TOP6BL: variants seen among roughly 807,000 people sequenced by gnomAD.
The protein encoded by TOP6BL is type 2 DNA topoisomerase 6 subunit B-like.
At chr11:66,796,433 G>A in the TOP6BL span, 5 of 1,178,744 alleles carry the variant, frequency 4.2e-6, no homozygotes, top group East Asian at 2.4e-5. Flanking sequence ...CCTTTACTGT[G>A]TAGGACATGG....
the TOP6BL span, chr11:66,842,709 T>G: frequency 1.8e-5 from 15 of 812,940 alleles, no homozygotes; most frequent in Non-Finnish European, 2.8e-5. Flanking sequence ...GCTGCAGGGT[T>G]TTGGTGTGGA....
At chr11:66,783,414 A>G in the TOP6BL span, among the ~76,000 whole-genome samples, 32 of 152,316 alleles carry the variant, frequency 2.1e-4, no homozygotes, top group African/African-American at 7.5e-4. Flanking sequence ...TAAGTAAGTA[A>G]AAGAGTCCAG....
chr11:66,803,714 A>G, the TOP6BL span, among the ~76,000 whole-genome samples: 3 of 152,172 alleles, frequency 2.0e-5, no homozygotes, highest in African/African-American at 7.2e-5. Context: ...CATGAGCCAC[A>G]ATGCCTGGTC....
At chr11:66,777,117 A>T in the TOP6BL span, among the ~76,000 whole-genome samples, 6 of 150,428 alleles carry the variant, frequency 4.0e-5, no homozygotes, top group Non-Finnish European at 8.9e-5. Flanking sequence ...ATCTATATCT[A>T]TATCTATAAT....
At chr11:66,775,470 G>A in the TOP6BL span, among the ~76,000 whole-genome samples, 1 of 152,274 alleles carries the variant, frequency 6.6e-6, no homozygotes, top group South Asian at 2.1e-4. Flanking sequence ...TGAGTATAAG[G>A]CTGGGTCATG....
chr11:66,778,982 C>G, the TOP6BL span, among the ~76,000 whole-genome samples: 53 of 152,274 alleles, frequency 3.5e-4, no homozygotes, highest in Admixed American at 5.9e-4. Context: ...GAAACTGGAT[C>G]CCTTCCTTAC....
chr11:66,774,363 C>G, the TOP6BL span, among the ~76,000 whole-genome samples: 1 of 152,076 alleles, frequency 6.6e-6, no homozygotes, highest in African/African-American at 2.4e-5. Context: ...GTTTTATTTC[C>G]TAAAGCTTTA....
At chr11:66,756,084 A>G in the TOP6BL span, among the ~76,000 whole-genome samples, 3 of 152,222 alleles carry the variant, frequency 2.0e-5, no homozygotes, top group Non-Finnish European at 4.4e-5. Context: ...AAGCCAAGAG[A>G]TAATTAGTTT....
At chr11:66,836,604 G>A in the TOP6BL span, among the ~76,000 whole-genome samples, 2 of 150,060 alleles carry the variant, frequency 1.3e-5, no homozygotes, top group Admixed American at 1.3e-4. Context: ...TGTAATCCCA[G>A]CACTTTGGGA....
At chr11:66,807,925 T>C in the TOP6BL span, among the ~76,000 whole-genome samples, 4 of 152,338 alleles carry the variant, frequency 2.6e-5, no homozygotes, top group East Asian at 7.7e-4. Context: ...CTGTATATGC[T>C]TTTTGGTCAT....
the TOP6BL span, among the ~76,000 whole-genome samples, chr11:66,836,311 G>C: frequency 6.6e-6 from 1 of 151,920 alleles, no homozygotes; most frequent in Non-Finnish European, 1.5e-5. Context: ...CCACCTCCCG[G>C]ATTCACACCA....
chr11:66,748,850 A>G, the TOP6BL span, among the ~76,000 whole-genome samples: 1 of 147,652 alleles, frequency 6.8e-6, no homozygotes, highest in African/African-American at 2.5e-5. Flanking sequence ...TTTTTTTCCC[A>G]AGTCTAAATT....
the TOP6BL span, among the ~76,000 whole-genome samples, chr11:66,774,915 C>G: frequency 2.6e-5 from 4 of 151,700 alleles, no homozygotes; most frequent in South Asian, 8.3e-4. Context: ...GAGTTAGTGA[C>G]CAGCCTGGCC....
chr11:66,830,880 C>T, the TOP6BL span, among the ~76,000 whole-genome samples: 1 of 152,046 alleles, frequency 6.6e-6, no homozygotes, highest in Non-Finnish European at 1.5e-5. Context: ...AAAACCTTAC[C>T]ATAATATCCT....
At chr11:66,759,027 A>G in the TOP6BL span, 1 of 1,535,866 alleles carries the variant, frequency 6.5e-7, no homozygotes, top group South Asian at 1.2e-5. Flanking sequence ...ATTTCTTTGT[A>G]TTCTGTTTCT....
At chr11:66,833,018 CCTGT>C in the TOP6BL span, among the ~76,000 whole-genome samples, 1 of 150,542 alleles carries the variant, frequency 6.6e-6, no homozygotes, top group Non-Finnish European at 1.5e-5. Flanking sequence ...TTGCTTTCTC[CCTGT>C]CTCTCAAATC....
chr11:66,758,268 G>GAATTCTCTTACCT, the TOP6BL span: 1 of 237,126 alleles, frequency 4.2e-6, no homozygotes, highest in Non-Finnish European at 6.6e-6. Flanking sequence ...CTCTAGGTAA[G>GAATTCTCTTACCT]AGAATTCTTA....
chr11:66,843,171 C>T, the TOP6BL span: 1 of 1,611,360 alleles, frequency 6.2e-7, no homozygotes, highest in South Asian at 1.1e-5. Flanking sequence ...TCCCGCAGGA[C>T]GTGCTGTGGC....
chr11:66,774,851 C>T, the TOP6BL span, among the ~76,000 whole-genome samples: 1 of 151,584 alleles, frequency 6.6e-6, no homozygotes, highest in Admixed American at 6.6e-5. Context: ...TGGTGGCTCA[C>T]GCCTGTAATC....
Sources: allele counts gnomAD v4.1 joint callset (sites outside exome capture counted in the v4.1 genomes callset), GRCh38; gene constraint gnomAD v4.1.1; transcripts MANE v1.5; gene names NCBI Gene and HGNC (gene_info 2026-07-23, HGNC 2026-07-21).